The following DNAJC16 variants were observed in gnomAD, a reference collection of about 807,000 sequenced individuals.
DNAJC16 encodes dnaJ homolog subfamily C member 16.
In DNAJC16, 76 loss-of-function variants were observed where a neutral mutation model predicts 92.7. The observed-to-expected ratio is 0.82, with a 90% CI of 0.68 to 0.99. The LOEUF (loss-of-function observed/expected upper bound fraction) is 0.99, where lower values mean the gene tolerates loss of function less well. DNAJC16 is among the 50% of genes least tolerant of loss of function. The pLI, the probability that DNAJC16 is intolerant of heterozygous loss-of-function variation, is 0.00. For missense variants in DNAJC16, 869 were observed against 942.4 expected, an observed-to-expected ratio of 0.92 and a Z score of 1.02; for synonymous variants, 328 against 358.7, an observed-to-expected ratio of 0.91 and a Z score of 0.97.
chr1:15,542,384 T>A (rs745717398), intron 4 of DNAJC16: 1 of 152,244 alleles, frequency 6.6e-6, no homozygotes, highest in Non-Finnish European at 1.5e-5. Flanking sequence ...GCTGAACACA[T>A]GGAGGTGCCT....
At chr1:15,527,149 T>C (rs1402058662) in intron 1 of DNAJC16, among the ~76,000 whole-genome samples, 191 bp downstream of exon 1, 1 of 151,982 alleles carries the variant, frequency 6.6e-6, no homozygotes, top group Non-Finnish European at 1.5e-5. Flanking sequence ...GGTTGCGACC[T>C]CCGGCAGGAG....
At chr1:15,559,855 G>A (rs985841822) in intron 8 of DNAJC16, among the ~76,000 whole-genome samples, 199 bp downstream of exon 8, 1 of 151,820 alleles carries the variant, frequency 6.6e-6, no homozygotes, top group Admixed American at 6.6e-5. Context: ...TCTGAGGTCC[G>A]GAGTTCAAGA....
In DNAJC16 at chr1:15,568,240, T is replaced by C; in HGVS notation, c.*63T>C. ...TTAACATGCCCCTGTGAACAGGTAT[T>C]TTCAGGACTCAAACTACCACAATGA... On this transcript the variant is annotated 3_prime_UTR_variant, in exon 15 of 15. Transcript: ENST00000375847. 2.2e-6 allele frequency: 3 copies of C among 1,380,072 alleles called. No homozygotes were observed. The highest frequency in any genetic ancestry group is 3.0e-6 in the Non-Finnish European group (3 of 1,006,754). 85.5% of individuals were successfully genotyped at this position (1,380,072 alleles called of 1,614,324 possible). A position where few individuals can be genotyped will look rare whatever the true frequency, so the allele number is the denominator to read the frequency against.
chr1:15,547,605 G>A (rs993741662), intron 6 of DNAJC16, among the ~76,000 whole-genome samples: 4 of 151,224 alleles, frequency 2.6e-5, no homozygotes, highest in African/African-American at 7.3e-5. Context: ...ACCACGCTCG[G>A]CTAATTTTTG....
chr1:15,554,734 T>C (rs1638526279), intron 7 of DNAJC16, among the ~76,000 whole-genome samples: 1 of 152,158 alleles, frequency 6.6e-6, no homozygotes, highest in South Asian at 2.1e-4. Flanking sequence ...GGTGTCTTAT[T>C]GGGTTTATAC....
At position 15,536,643 on chromosome 1, in the gene DNAJC16, C is replaced by T. The variant is rs763316438; in HGVS notation, c.403C>T (p.Arg135Trp). 31 of 1,613,880 alleles carry T rather than the reference C, an allele frequency of 1.9e-5. No homozygotes were observed. Among genetic ancestry groups the T allele is most frequent in the Non-Finnish European group, 2.5e-5 (30 of 1,180,008 alleles). The change falls in exon 4 of 15, where the codon CGG becomes TGG. Residue 135 changes from arginine (R) to tryptophan (W), a missense_variant. Transcript: ENST00000375847. ...TCACTTCCCTTTTAATTCTGAACGG[C>T]GGGACTCAATTGACGAAAAGTATTT... ...FFHFPFNSER[R>W]DSIDEKYLLH...
Position 15,548,513 on chromosome 1 carries a change from G to A in DNAJC16, c.1023+85G>A, listed in dbSNP as rs867650683. ...AATAAACAGCAAAATTGAACAAAGT[G>A]GCTGAAGGAAAGGATCTTCCTTCAG... On this transcript the variant is annotated intron_variant, in intron 7 of 14. Transcript: ENST00000375847. 7 of 1,360,438 alleles carry A rather than the reference G, an allele frequency of 5.1e-6. No homozygotes were observed. The Middle Eastern group carries it at 7.6e-4, about 148-fold the overall frequency. The allele number at this position is 1,360,438 out of a possible 1,614,324, so 84.3% of individuals were successfully genotyped here.
intron 5 of DNAJC16, among the ~76,000 whole-genome samples, chr1:15,545,945 A>T (rs906698422): frequency 2.6e-5 from 4 of 152,244 alleles, no homozygotes; most frequent in Non-Finnish European, 4.4e-5. Context: ...AATTCAGATA[A>T]CAATAAATGA....
At chr1:15,566,346 A>C (rs1285487050) in intron 13 of DNAJC16, 166 bp downstream of exon 13, 1 of 624,632 alleles carries the variant, frequency 1.6e-6, no homozygotes, top group Non-Finnish European at 2.8e-6. Context: ...GTGTTTACTA[A>C]GACCCTGTAG....
intron 6 of DNAJC16, 136 bp from the exon 7 acceptor site, chr1:15,548,134 G>A (rs1638354242): frequency 4.2e-6 from 3 of 713,182 alleles, no homozygotes; most frequent in Non-Finnish European, 6.7e-6. Context: ...AAGTATACAA[G>A]GATACGGAAG....
Position 15,546,785 on chromosome 1 carries a change from G to A in DNAJC16, c.778G>A (p.Val260Ile), listed in dbSNP as rs540195860. Residue 260 changes from valine to isoleucine, a missense_variant, in exon 6 of 15, where the codon GTC becomes ATC. Transcript: ENST00000375847. ...LVEKVTNKNY[V>I]RFLSGWQQEN... is the part of the protein sequence containing the mutation. ...ATTTAAGGTTACAAATAAAAATTACGTCAGATTCCTCTCTGGCTGGCAGCA... is the reference window on the plus strand; with the variant it reads ...ATTTAAGGTTACAAATAAAAATTACATCAGATTCCTCTCTGGCTGGCAGCA... The A allele has an allele frequency of 1.1e-5, 18 of 1,612,032 alleles. No individual in the cohort carries two copies. The highest frequency in any genetic ancestry group is 1.7e-4 in the Middle Eastern group (1 of 6,056).
Position 15,566,064 on chromosome 1 carries a change from CCTTTTTTCTTA to C in DNAJC16, c.1680-13_1680-3del. 1 of 1,612,470 alleles carries C rather than the reference CCTTTTTTCTTA, an allele frequency of 6.2e-7. No homozygotes were observed. Among genetic ancestry groups the C allele is most frequent in the Non-Finnish European group, 8.5e-7 (1 of 1,179,644 alleles). ...GTGTTGACACTTTTTTTGTAAAACTCCTTTTTTCTTACTTTAGCGACTCTAATGATGAGCGA... is the reference window on the plus strand; with the variant it reads ...GTGTTGACACTTTTTTTGTAAAACTCCTTTAGCGACTCTAATGATGAGCGA... On this transcript the variant is annotated splice_polypyrimidine_tract_variant and splice_region_variant and intron_variant, in intron 12 of 14. Transcript: ENST00000375847.
chr1:15,528,715 C>T (rs2103399408), intron 1 of DNAJC16, among the ~76,000 whole-genome samples: 1 of 152,138 alleles, frequency 6.6e-6, no homozygotes, highest in Admixed American at 6.5e-5. Context: ...TTTATTTATT[C>T]TTATCAGAAT....
chr1:15,568,227 T>C lies in DNAJC16; in HGVS notation c.*50T>C. The C allele has an allele frequency of 6.8e-7, 1 of 1,476,968 alleles. No individual in the cohort carries two copies. Among genetic ancestry groups the C allele is most frequent in the Non-Finnish European group, 9.2e-7 (1 of 1,088,532 alleles). 91.5% of individuals were successfully genotyped at this position (1,476,968 alleles called of 1,614,324 possible). ...CTCTTCAGACTTTTTAACATGCCCC[T>C]GTGAACAGGTATTTTCAGGACTCAA... On this transcript the variant is annotated 3_prime_UTR_variant, in exon 15 of 15. Coordinates refer to ENST00000375847, the MANE Select transcript of DNAJC16 (RefSeq NM_015291.4).
rs1710789894 is a variant in DNAJC16 at position 15,536,526 on chromosome 1, G to A, written c.286G>A (p.Gly96Arg). 1 of 1,613,754 alleles carries A rather than the reference G, an allele frequency of 6.2e-7. No individual in the cohort carries two copies. The change falls in exon 4 of 15, where the codon GGA (glycine) becomes AGA (arginine). Residue 96 changes from glycine (G) to arginine (R), a missense_variant. Physicochemically the swap from Gly to Arg is moderately radical, Grantham distance 125. Transcript: ENST00000375847. ...AAATTATGATCAATATGGAGACGCT[G>A]GAGAGAACCAGGGCTACCAGAAGCA... ...RSNYDQYGDAGENQGYQKQQQ... is the reference protein window; with the variant it reads ...RSNYDQYGDARENQGYQKQQQ...
intron 2 of DNAJC16, among the ~76,000 whole-genome samples, chr1:15,532,258 A>C (rs1710678079): frequency 6.6e-6 from 1 of 152,204 alleles, no homozygotes; most frequent in Non-Finnish European, 1.5e-5. Context: ...AGAGGTAACT[A>C]GAGAGCCAGT....
intron 7 of DNAJC16, among the ~76,000 whole-genome samples, chr1:15,551,787 AT>A (rs908564127): frequency 1.3e-5 from 2 of 151,284 alleles, no homozygotes; most frequent in African/African-American, 4.9e-5. Context: ...TTTTTAAAAA[AT>A]TTTTTTTGCT....
chr1:15,528,438 A>C (rs116487053), intron 1 of DNAJC16, among the ~76,000 whole-genome samples: 88,800 of 151,604 alleles, frequency 0.59, 26,663 homozygotes, highest in African/African-American at 0.71. Context: ...GTCTCAAAAA[A>C]AAAAAACAAA....
In DNAJC16 at chr1:15,546,821, C is replaced by T. The variant is rs914065654; in HGVS notation, c.814C>T (p.Pro272Ser). The change falls in exon 6 of 15, where the codon CCT becomes TCT. Residue 272 changes from proline to serine, a missense_variant. By Grantham distance (74) the Pro-to-Ser change is moderately conservative. Transcript: ENST00000375847. ...FLSGWQQENKPHVLLFDQTPI... is the reference protein window; with the variant it reads ...FLSGWQQENKSHVLLFDQTPI... Reference sequence around the variant, plus strand: ...CTCTGGCTGGCAGCAAGAGAATAAGCCTCATGTCCTTCTGTTTGACCAAAC... The same window carrying T: ...CTCTGGCTGGCAGCAAGAGAATAAGTCTCATGTCCTTCTGTTTGACCAAAC... The T allele has an allele frequency of 2.5e-6, 4 of 1,613,860 alleles. No individual in the cohort carries two copies. The highest frequency in any genetic ancestry group is 3.4e-6 in the Non-Finnish European group (4 of 1,179,960).
Sources: allele counts gnomAD v4.1 joint callset (sites outside exome capture counted in the v4.1 genomes callset), GRCh38; gene constraint gnomAD v4.1.1; transcripts MANE v1.5; gene names NCBI Gene and HGNC (gene_info 2026-07-23, HGNC 2026-07-21).